DPY19L4: variants seen among roughly 807,000 people sequenced by gnomAD.
The protein encoded by DPY19L4 is dpy-19 like 4, also known as probable C-mannosyltransferase DPY19L4.
In DPY19L4, 97 loss-of-function variants were observed where a neutral mutation model predicts 102.8. The ratio of observed to expected loss-of-function variants is 0.94; its 90% CI spans 0.80 to 1.12. The LOEUF is 1.12. Ranked by LOEUF, DPY19L4 falls within the 50% of genes most tolerant of loss-of-function variation. The pLI is 0.00. For synonymous variants in DPY19L4, 252 were observed against 283.1 expected (o/e 0.89, Z 1.10); for missense variants, 815 against 850.4 (o/e 0.96, Z 0.52).
intron 14 of DPY19L4, among the ~76,000 whole-genome samples, chr8:94,778,175 C>T (rs1283042632): frequency 6.6e-6 from 1 of 151,724 alleles, no homozygotes; most frequent in Non-Finnish European, 1.5e-5. Flanking sequence ...GCAGAGGTTG[C>T]AGTGAGCCAA....
At position 94,736,343 on chromosome 8, in the gene DPY19L4, A is replaced by G. The variant is rs181781284; in HGVS notation, c.252+1589A>G. ...TCAAGATGGGGAAAAATAGATCTGAAAAGACTTCCTCTTGGAGAGTCACAA... is the reference window on the plus strand; with the variant it reads ...TCAAGATGGGGAAAAATAGATCTGAGAAGACTTCCTCTTGGAGAGTCACAA... On this transcript the variant is annotated intron_variant, in intron 3 of 18. Coordinates refer to ENST00000414645, the MANE Select transcript of DPY19L4 (RefSeq NM_181787.3). Among the ~76,000 whole-genome samples the G allele has an allele frequency of 4.7e-3, 716 of 152,306 alleles. 2 individuals are homozygous for G. Among genetic ancestry groups the G allele is most frequent in the Admixed American group, 0.011 (166 of 15,304 alleles).
chr8:94,792,704 A>G lies in DPY19L4; in HGVS notation c.*2794A>G, dbSNP rs1813920270. 6.6e-6 allele frequency: 1 copy of G among 152,412 alleles called. No individual in the cohort carries two copies. The highest frequency in any genetic ancestry group is 3.4e-3 in the Middle Eastern group (1 of 296). The allele number at this position is 152,412 out of a possible 1,614,324, so 9.4% of individuals were successfully genotyped here. On this transcript the variant is annotated 3_prime_UTR_variant, in exon 19 of 19. Coordinates refer to ENST00000414645, the MANE Select transcript of DPY19L4 (RefSeq NM_181787.3). Reference sequence around the variant, plus strand: ...ACCCCGTCTCTACTGAAAATACAAAAAATTAGCCGGGCAGGGTGGCGGGCG... The same window carrying G: ...ACCCCGTCTCTACTGAAAATACAAAGAATTAGCCGGGCAGGGTGGCGGGCG...
At chr8:94,731,965 G>A (rs936383637) in intron 2 of DPY19L4, among the ~76,000 whole-genome samples, 5 of 152,022 alleles carry the variant, frequency 3.3e-5, no homozygotes, top group Admixed American at 3.3e-4. Flanking sequence ...TAGAGACGGG[G>A]TTTTGCTGTG....
intron 13 of DPY19L4, 35 bp from the exon 14 acceptor site, chr8:94,777,631 G>C (rs752523852): frequency 6.3e-5 from 100 of 1,596,202 alleles, no homozygotes; most frequent in Middle Eastern, 3.5e-4. Flanking sequence ...ATGTTCACAG[G>C]ATGTCTCATG....
chr8:94,782,023 A>G (rs887227615), intron 16 of DPY19L4, among the ~76,000 whole-genome samples: 5 of 152,252 alleles, frequency 3.3e-5, no homozygotes, highest in Non-Finnish European at 5.9e-5. Context: ...AAACAGCTCA[A>G]TGCAGTGTGC....
chr8:94,738,870 C>T (rs1241465280), intron 4 of DPY19L4, among the ~76,000 whole-genome samples: 1 of 151,988 alleles, frequency 6.6e-6, no homozygotes, highest in Non-Finnish European at 1.5e-5. Context: ...ACCTTTCCTC[C>T]TCCTTTTATT....
At chr8:94,774,082 C>G (rs368430698) in intron 13 of DPY19L4, among the ~76,000 whole-genome samples, 1 of 150,572 alleles carries the variant, frequency 6.6e-6, no homozygotes, top group Admixed American at 6.7e-5. Context: ...CTCGTTCTGT[C>G]GCCCAGACTG....
At position 94,765,162 on chromosome 8, in the gene DPY19L4, AT is replaced by A; in HGVS notation, c.871-17del. On this transcript the variant is annotated intron_variant, in intron 8 of 18. Transcript: ENST00000414645. ...GATAAAATATAACTTATTCTCACTT[AT>A]TTTATTTTTGTCACAACAGGTTTAT... The A allele has an allele frequency of 7.2e-7, 1 of 1,391,764 alleles. No individual in the cohort carries two copies. The highest frequency in any genetic ancestry group is 9.9e-7 in the Non-Finnish European group (1 of 1,007,448). 86.2% of individuals were successfully genotyped at this position (1,391,764 alleles called of 1,614,324 possible).
At position 94,733,808 on chromosome 8, in the gene DPY19L4, G is replaced by C. The variant is rs558113590; in HGVS notation, c.128-822G>C. The stretch of plus-strand genomic sequence containing the variant: ...CCACCCACCTCGGCCTCCCAAAGTG[G>C]CGGGATTACAGACGTGAGCTACCGC... On this transcript the variant is annotated intron_variant, in intron 2 of 18. Coordinates refer to ENST00000414645, the MANE Select transcript of DPY19L4 (RefSeq NM_181787.3). Among the ~76,000 whole-genome samples, 428 of 151,926 alleles carry C rather than the reference G, an allele frequency of 2.8e-3. 1 individual carries two copies. Among genetic ancestry groups the C allele is most frequent in the African/African-American group, 9.8e-3 (407 of 41,442 alleles).
At chr8:94,775,469 G>A (rs1813136967) in intron 13 of DPY19L4, among the ~76,000 whole-genome samples, 1 of 152,180 alleles carries the variant, frequency 6.6e-6, no homozygotes. Context: ...ACTGCACCCA[G>A]CCTCTTAATT....
At chr8:94,768,251 T>A in intron 11 of DPY19L4, 144 bp from the exon 12 acceptor site, 1 of 586,800 alleles carries the variant, frequency 1.7e-6, no homozygotes, top group Non-Finnish European at 2.8e-6. Flanking sequence ...TATCTTCATT[T>A]ATAAAGGATA....
At chr8:94,724,660 G>A (rs1810611568) in intron 1 of DPY19L4, among the ~76,000 whole-genome samples, 1 of 151,642 alleles carries the variant, frequency 6.6e-6, no homozygotes, top group South Asian at 2.1e-4. Context: ...GCGATCTCGG[G>A]TCACTGCAGC....
intron 13 of DPY19L4, among the ~76,000 whole-genome samples, chr8:94,771,878 A>T (rs1318929799): frequency 6.6e-6 from 1 of 152,040 alleles, no homozygotes; most frequent in Admixed American, 6.6e-5. Context: ...ACATTTACAA[A>T]ATATATATAT....
intron 1 of DPY19L4, 40 bp downstream of exon 1, chr8:94,720,054 G>A (rs1810385901): frequency 1.3e-6 from 2 of 1,523,742 alleles, no homozygotes; most frequent in South Asian, 1.2e-5. Flanking sequence ...GGCTGCCAGT[G>A]GTCTCGGGAA....
intron 6 of DPY19L4, among the ~76,000 whole-genome samples, chr8:94,747,142 T>C (rs1041921425): frequency 6.6e-6 from 1 of 151,946 alleles, no homozygotes; most frequent in Non-Finnish European, 1.5e-5. Context: ...GCTCACTGCA[T>C]CATCAACCTC....
chr8:94,752,821 T>C (rs1435978877), intron 6 of DPY19L4, among the ~76,000 whole-genome samples: 1 of 151,212 alleles, frequency 6.6e-6, no homozygotes, highest in Non-Finnish European at 1.5e-5. Flanking sequence ...GTCGCCACCA[T>C]GCCCGGCTAA....
chr8:94,761,959 G>T, intron 8 of DPY19L4, 125 bp downstream of exon 8: 2 of 988,804 alleles, frequency 2.0e-6, no homozygotes, highest in Non-Finnish European at 2.7e-6. Flanking sequence ...CAATATTTAA[G>T]TTATTTGGAC....
chr8:94,774,153 C>T (rs1032677797), intron 13 of DPY19L4, among the ~76,000 whole-genome samples: 17 of 151,794 alleles, frequency 1.1e-4, no homozygotes, highest in Non-Finnish European at 1.9e-4. Flanking sequence ...AAGCAGTGCT[C>T]CCACGATATC....
chr8:94,742,487 G>A (rs994460707), intron 6 of DPY19L4, among the ~76,000 whole-genome samples: 1 of 151,922 alleles, frequency 6.6e-6, no homozygotes, highest in African/African-American at 2.4e-5. Flanking sequence ...CTGGCTCATG[G>A]ATGCAAGTGA....
Sources: allele counts gnomAD v4.1 joint callset (sites outside exome capture counted in the v4.1 genomes callset), GRCh38; gene constraint gnomAD v4.1.1; transcripts MANE v1.5; gene names NCBI Gene and HGNC (gene_info 2026-07-23, HGNC 2026-07-21).